STX18: variants seen among roughly 807,000 people sequenced by gnomAD.
STX18 encodes the protein syntaxin 18.
In STX18, 40 loss-of-function variants were observed where a neutral mutation model predicts 50.1. The observed-to-expected ratio is 0.80, with a 90% CI of 0.62 to 1.04. The LOEUF is 1.04. Among genes scored for constraint, STX18 ranks in the 50% least tolerant of loss-of-function variants. The pLI is 0.00. For synonymous variants in STX18, 158 were observed against 151.8 expected (o/e 1.04, Z -0.30); for missense variants, 410 against 415.8 (o/e 0.99, Z 0.12).
At chr4:4,470,134 T>C (rs1177016896) in intron 2 of STX18, among the ~76,000 whole-genome samples, 1 of 152,170 alleles carries the variant, frequency 6.6e-6, no homozygotes, top group Non-Finnish European at 1.5e-5. Flanking sequence ...CATCTAGAAT[T>C]CAATAAACCT....
At chr4:4,513,185 G>A (rs559551048) in intron 1 of STX18, among the ~76,000 whole-genome samples, 1 of 152,152 alleles carries the variant, frequency 6.6e-6, no homozygotes, top group African/African-American at 2.4e-5. Flanking sequence ...CAGAAATTCG[G>A]TTCTATGTTA....
At chr4:4,438,740 C>T (rs1387289041) in intron 5 of STX18, among the ~76,000 whole-genome samples, 2 of 151,974 alleles carry the variant, frequency 1.3e-5, no homozygotes, top group African/African-American at 4.8e-5. Context: ...TTTGCAGCCA[C>T]GGCACAGTGA....
At chr4:4,476,192 C>T (rs932533883) in intron 1 of STX18, 8 of 152,240 alleles carry the variant, frequency 5.3e-5, no homozygotes, top group South Asian at 2.1e-4. Flanking sequence ...TTGATTACAC[C>T]GCCATATTAA....
At chr4:4,438,597 C>T (rs981511687) in intron 5 of STX18, 88 bp from the exon 6 acceptor site, 1 of 1,088,920 alleles carries the variant, frequency 9.2e-7, no homozygotes, top group Non-Finnish European at 1.4e-6. Context: ...TGACCCTGCG[C>T]TTTTGCTCTG....
At chr4:4,508,122 C>T (rs1729814816) in intron 1 of STX18, among the ~76,000 whole-genome samples, 2 of 152,210 alleles carry the variant, frequency 1.3e-5, no homozygotes, top group Non-Finnish European at 2.9e-5. Flanking sequence ...GCTGACACTC[C>T]CCCTAGTGCA....
chr4:4,482,037 C>T (rs1197945856), intron 1 of STX18, among the ~76,000 whole-genome samples: 1 of 152,180 alleles, frequency 6.6e-6, no homozygotes, highest in Non-Finnish European at 1.5e-5. Context: ...CTCCTGCCTC[C>T]TCCTTCCTTG....
chr4:4,514,916 A>C (rs755012103), intron 1 of STX18, among the ~76,000 whole-genome samples: 1 of 152,216 alleles, frequency 6.6e-6, no homozygotes, highest in East Asian at 1.9e-4. Flanking sequence ...GAAGCATACA[A>C]TGGAGGCTAA....
At chr4:4,429,694 C>G (rs1044361084) in intron 7 of STX18, among the ~76,000 whole-genome samples, 8 of 152,230 alleles carry the variant, frequency 5.3e-5, no homozygotes, top group Admixed American at 4.6e-4. Flanking sequence ...CCGTATCCTT[C>G]TGGTGGAAGC....
chr4:4,472,584 A>T (rs1048961812), intron 1 of STX18, among the ~76,000 whole-genome samples: 1 of 152,152 alleles, frequency 6.6e-6, no homozygotes, highest in East Asian at 1.9e-4. Flanking sequence ...ACCCAGGCTA[A>T]TTTTCACTTT....
At chr4:4,479,908 C>A (rs1728373949) in intron 1 of STX18, among the ~76,000 whole-genome samples, 1 of 151,854 alleles carries the variant, frequency 6.6e-6, no homozygotes, top group Non-Finnish European at 1.5e-5. Flanking sequence ...GAGAGCTGGT[C>A]CTATCAGTGG....
intron 8 of STX18, 124 bp downstream of exon 8, chr4:4,425,040 T>C: frequency 1.2e-6 from 1 of 842,734 alleles, no homozygotes; most frequent in Admixed American, 2.0e-5. Context: ...TCAAAATGGC[T>C]GAGGGGGGCT....
chr4:4,437,203 G>A (rs959902629), intron 6 of STX18, among the ~76,000 whole-genome samples: 14 of 152,036 alleles, frequency 9.2e-5, no homozygotes, highest in Admixed American at 3.3e-4. Context: ...GATCCAACCC[G>A]CCTTGGCCTC....
intron 2 of STX18, among the ~76,000 whole-genome samples, chr4:4,468,892 A>C (rs1398400767): frequency 6.6e-6 from 1 of 152,212 alleles, no homozygotes; most frequent in Non-Finnish European, 1.5e-5. Flanking sequence ...TCTCTATTAG[A>C]TAAATGGATA....
At chr4:4,439,789 C>T (rs144503035) in intron 5 of STX18, among the ~76,000 whole-genome samples, 10 of 152,252 alleles carry the variant, frequency 6.6e-5, no homozygotes, top group African/African-American at 9.6e-5. Flanking sequence ...TTCTTCCCCA[C>T]GGGCTCTTCC....
chr4:4,528,233 C>T (rs940828070), intron 1 of STX18, among the ~76,000 whole-genome samples: 3 of 152,082 alleles, frequency 2.0e-5, no homozygotes, highest in Non-Finnish European at 4.4e-5. Flanking sequence ...GGCAAGGAAA[C>T]CCCACTATGC....
chr4:4,520,195 T>C (rs1730448354), intron 1 of STX18, among the ~76,000 whole-genome samples: 1 of 152,226 alleles, frequency 6.6e-6, no homozygotes, highest in Non-Finnish European at 1.5e-5. Context: ...TGGTTGCTCA[T>C]AACGAATTAT....
At chr4:4,473,954 C>T (rs186307301) in intron 1 of STX18, among the ~76,000 whole-genome samples, 2 of 152,248 alleles carry the variant, frequency 1.3e-5, no homozygotes, top group African/African-American at 4.8e-5. Context: ...TCCAAACTCC[C>T]AAATGCAGCA....
intron 1 of STX18, among the ~76,000 whole-genome samples, chr4:4,500,909 C>T (rs929796826): frequency 5.3e-5 from 8 of 151,994 alleles, no homozygotes; most frequent in African/African-American, 1.2e-4. Context: ...TGGTGGCGGG[C>T]GCCTATACCC....
At chr4:4,425,551 A>G (rs922170578) in intron 7 of STX18, 2 of 423,508 alleles carry the variant, frequency 4.7e-6, no homozygotes, top group Non-Finnish European at 4.3e-6. Context: ...TCCTGACTCT[A>G]GTACCATTAT....
Sources: allele counts gnomAD v4.1 joint callset (sites outside exome capture counted in the v4.1 genomes callset), GRCh38; gene constraint gnomAD v4.1.1; transcripts MANE v1.5; gene names NCBI Gene and HGNC (gene_info 2026-07-23, HGNC 2026-07-21).